Variants in NR3C1 observed in about 807,000 individuals in gnomAD.
The protein encoded by NR3C1 is nuclear receptor subfamily 3 group C member 1.
In NR3C1, 14 loss-of-function variants were observed where a neutral mutation model predicts 74.0. The ratio of observed to expected loss-of-function variants is 0.19; its 90% CI spans 0.12 to 0.30. The LOEUF (loss-of-function observed/expected upper bound fraction) is 0.30. Among genes scored for constraint, NR3C1 ranks in the 10% least tolerant of loss-of-function variants. The pLI is 1.00. For missense variants in NR3C1, 695 were observed against 909.8 expected (o/e 0.76, Z 3.04); for synonymous variants, 308 against 332.5 (o/e 0.93, Z 0.80).
At chr5:143,371,615 C>G (rs965748475) in intron 2 of NR3C1, among the ~76,000 whole-genome samples, 3 of 152,210 alleles carry the variant, frequency 2.0e-5, no homozygotes, top group Non-Finnish European at 4.4e-5. Flanking sequence ...GCCTTGGGGT[C>G]CCACCCCATC....
In NR3C1 at chr5:143,333,789, CA is replaced by C. The variant is rs1392399790; in HGVS notation, c.1185-19622del. ...CTCAAAAAACAAACAAACAAACAAA[CA>C]AACAAACAAAAAACTATTGCTGCAG... On this transcript the variant is annotated intron_variant, in intron 2 of 8. Transcript: ENST00000394464. Among the ~76,000 whole-genome samples, 15 of 152,148 alleles carry C rather than the reference CA, an allele frequency of 9.9e-5. No individual in the cohort carries two copies. The East Asian group carries it at 2.9e-3, about 29-fold the overall frequency.
intron 2 of NR3C1, among the ~76,000 whole-genome samples, chr5:143,369,006 T>C (rs144112821): frequency 2.6e-5 from 4 of 152,226 alleles, no homozygotes; most frequent in African/African-American, 9.6e-5. Context: ...CCCAATCCAG[T>C]GATAACCCAT....
At position 143,281,541 on chromosome 5, in the gene NR3C1, A is replaced by G. The variant is rs1813103169; in HGVS notation, c.*348T>C. On this transcript the variant is annotated 3_prime_UTR_variant, in exon 9 of 9. Transcript: ENST00000394464. ...CATCCAGCCAACTGTGAAAAAAAGTATGAAGAGAAAGTTCATCACACAGAC... is the reference window on the plus strand; with the variant it reads ...CATCCAGCCAACTGTGAAAAAAAGTGTGAAGAGAAAGTTCATCACACAGAC... 7.9e-6 allele frequency: 2 copies of G among 254,124 alleles called. No homozygotes were observed. The highest frequency in any genetic ancestry group is 5.1e-5 in the Admixed American group (1 of 19,420). The allele number at this position is 254,124 out of a possible 1,614,324, so 15.7% of individuals were successfully genotyped here.
intron 2 of NR3C1, among the ~76,000 whole-genome samples, chr5:143,379,658 T>C (rs375206469): frequency 1.3e-5 from 2 of 152,164 alleles, no homozygotes; most frequent in East Asian, 1.9e-4. Context: ...TAGAATGTGG[T>C]AGAAATATAG....
intron 2 of NR3C1, among the ~76,000 whole-genome samples, chr5:143,319,728 T>C (rs747753305): frequency 2.6e-5 from 4 of 151,488 alleles, no homozygotes; most frequent in African/African-American, 9.7e-5. Context: ...CAAAGAAGTA[T>C]CCAGCTTCAA....
At chr5:143,329,018 T>C (rs188051082) in intron 2 of NR3C1, among the ~76,000 whole-genome samples, 2 of 152,228 alleles carry the variant, frequency 1.3e-5, no homozygotes, top group African/African-American at 4.8e-5. Flanking sequence ...ATTATCTTTA[T>C]AGCAGTACCC....
chr5:143,422,866 C>T (rs1255846743), intron 1 of NR3C1, among the ~76,000 whole-genome samples: 3 of 152,092 alleles, frequency 2.0e-5, no homozygotes, highest in Non-Finnish European at 2.9e-5. Flanking sequence ...TAAAACAGTG[C>T]CTGGAATGAC....
chr5:143,313,039 T>C (rs1821311013), intron 3 of NR3C1, among the ~76,000 whole-genome samples: 1 of 152,256 alleles, frequency 6.6e-6, no homozygotes, highest in Admixed American at 6.5e-5. Flanking sequence ...CATCTAACTC[T>C]CATGGATATG....
intron 7 of NR3C1, among the ~76,000 whole-genome samples, chr5:143,293,367 T>C (rs902180502): frequency 6.6e-6 from 1 of 152,030 alleles, no homozygotes; most frequent in Non-Finnish European, 1.5e-5. Flanking sequence ...ATGGACTTTG[T>C]GGACTAGGGT....
At chr5:143,309,443 T>C (rs991563978) in intron 4 of NR3C1, among the ~76,000 whole-genome samples, 3 of 152,226 alleles carry the variant, frequency 2.0e-5, no homozygotes, top group Admixed American at 6.5e-5. Flanking sequence ...ACTCATTTTA[T>C]AGAATCTGCA....
chr5:143,362,788 G>A lies in NR3C1; in HGVS notation c.1184+36868C>T, dbSNP rs1832523529. On this transcript the variant is annotated intron_variant, in intron 2 of 8. Transcript: ENST00000394464. Reference sequence around the variant, plus strand: ...GCTTCCCTGGGGCACATGACGGGTGGAGGAGTTGAAAACATTTATGCTAAT... The same window carrying A: ...GCTTCCCTGGGGCACATGACGGGTGAAGGAGTTGAAAACATTTATGCTAAT... 3.3e-5 allele frequency among the ~76,000 whole-genome samples: 5 copies of A among 152,194 alleles called. No homozygotes were observed. The South Asian group carries it at 1.0e-3, about 32-fold the overall frequency.
intron 2 of NR3C1, among the ~76,000 whole-genome samples, chr5:143,315,289 T>C (rs995802304): frequency 6.6e-6 from 1 of 152,198 alleles, no homozygotes; most frequent in African/African-American, 2.4e-5. Context: ...TCCTCTTACG[T>C]GCTGACTTTA....
intron 2 of NR3C1, among the ~76,000 whole-genome samples, chr5:143,371,952 A>C (rs1287514925): frequency 6.6e-6 from 1 of 152,196 alleles, no homozygotes; most frequent in African/African-American, 2.4e-5. Flanking sequence ...CTAAAAGAGT[A>C]GTCTCCCCTT....
chr5:143,352,494 A>G (rs956484905), intron 2 of NR3C1, among the ~76,000 whole-genome samples: 1 of 152,140 alleles, frequency 6.6e-6, no homozygotes, highest in South Asian at 2.1e-4. Flanking sequence ...TGAACTCTCA[A>G]CATATTCTAC....
intron 2 of NR3C1, among the ~76,000 whole-genome samples, chr5:143,370,272 AG>A: frequency 6.6e-6 from 1 of 152,312 alleles, no homozygotes; most frequent in South Asian, 2.1e-4. Context: ...CTGACTTTAT[AG>A]CACCTTGGAA....
chr5:143,362,357 C>T (rs192285526), intron 2 of NR3C1, among the ~76,000 whole-genome samples: 7 of 150,196 alleles, frequency 4.7e-5, no homozygotes, highest in Admixed American at 2.0e-4. Flanking sequence ...TTCATGAAGA[C>T]TTGTTTTTTT....
chr5:143,386,083 C>T (rs890183430), intron 2 of NR3C1, among the ~76,000 whole-genome samples: 1 of 152,162 alleles, frequency 6.6e-6, no homozygotes, highest in Admixed American at 6.5e-5. Flanking sequence ...GGCAAAGAAA[C>T]CATGTTTTCA....
At chr5:143,404,453 C>T, upstream of NR3C1, 1 of 985,372 alleles carries the variant, frequency 1.0e-6, no homozygotes, top group Non-Finnish European at 1.2e-6. Context: ...TCAGCTGCCG[C>T]CGCCGCGCTC....
At chr5:143,385,824 C>A (rs1837103313) in intron 2 of NR3C1, among the ~76,000 whole-genome samples, 1 of 152,208 alleles carries the variant, frequency 6.6e-6, no homozygotes, top group Admixed American at 6.5e-5. Flanking sequence ...TCTTCTGAGT[C>A]CTCCAAACTG....
Sources: allele counts gnomAD v4.1 joint callset (sites outside exome capture counted in the v4.1 genomes callset), GRCh38; gene constraint gnomAD v4.1.1; transcripts MANE v1.5; gene names NCBI Gene and HGNC (gene_info 2026-07-23, HGNC 2026-07-21).